GALNTL6: variants seen among roughly 807,000 people sequenced by gnomAD.
The protein encoded by GALNTL6 is polypeptide N-acetylgalactosaminyltransferase like 6, also known as polypeptide N-acetylgalactosaminyltransferase-like 6.
Under a neutral mutation model 73.7 loss-of-function variants are expected in GALNTL6, and 46 were observed. The observed-to-expected ratio is 0.62, with a 90% CI of 0.49 to 0.80. The LOEUF is 0.80. Among genes scored for constraint, GALNTL6 ranks in the 30% least tolerant of loss-of-function variants. The pLI, the probability that GALNTL6 is intolerant of heterozygous loss-of-function variation, is 0.00. For missense variants in GALNTL6, 604 were observed against 755.0 expected, an observed-to-expected ratio of 0.80 and a Z score of 2.34; for synonymous variants, 259 against 263.7, an observed-to-expected ratio of 0.98 and a Z score of 0.17.
chr4:172,621,734 G>T (rs574874284), intron 5 of GALNTL6, among the ~76,000 whole-genome samples: 3 of 152,054 alleles, frequency 2.0e-5, no homozygotes, highest in Non-Finnish European at 4.4e-5. Context: ...GATTAATATA[G>T]GAATCCTAGG....
chr4:172,948,672 G>A (rs1166280913), intron 9 of GALNTL6, among the ~76,000 whole-genome samples: 3 of 141,528 alleles, frequency 2.1e-5, no homozygotes, highest in African/African-American at 7.9e-5. Context: ...GTTTCACCAT[G>A]TTGGCCAGGC....
At chr4:172,799,321 T>C (rs998518041) in intron 5 of GALNTL6, among the ~76,000 whole-genome samples, 1 of 152,210 alleles carries the variant, frequency 6.6e-6, no homozygotes, top group Non-Finnish European at 1.5e-5. Context: ...TAATCTATGC[T>C]GCAGTGGGGG....
At chr4:172,206,812 TTGTTTG>T (rs1207794156) in intron 2 of GALNTL6, among the ~76,000 whole-genome samples, 2,955 of 32,874 alleles carry the variant, frequency 0.09, 719 homozygotes, top group East Asian at 0.36. Flanking sequence ...TCTGTTTTTT[TTGTTTG>T]TTTTTTTTTT....
At chr4:172,221,268 C>A (rs1736666652) in intron 2 of GALNTL6, among the ~76,000 whole-genome samples, 1 of 151,744 alleles carries the variant, frequency 6.6e-6, no homozygotes, top group African/African-American at 2.4e-5. Flanking sequence ...AAGAAAATAG[C>A]ATCACAGTTT....
chr4:172,548,171 A>G (rs977220133), intron 5 of GALNTL6, among the ~76,000 whole-genome samples: 1 of 45,664 alleles, frequency 2.2e-5, no homozygotes, highest in African/African-American at 6.0e-5. Flanking sequence ...GTCGATGTCA[A>G]TGAAGGGTCA....
intron 3 of GALNTL6, among the ~76,000 whole-genome samples, chr4:172,281,807 C>T (rs531712896): frequency 8.5e-5 from 13 of 152,190 alleles, no homozygotes; most frequent in Admixed American, 2.6e-4. Context: ...ATCACATCTG[C>T]GAATTTCTTT....
chr4:172,579,345 A>G (rs1055764753), intron 5 of GALNTL6, among the ~76,000 whole-genome samples: 3 of 152,226 alleles, frequency 2.0e-5, no homozygotes, highest in Admixed American at 2.0e-4. Flanking sequence ...CTGACATTTC[A>G]GAAAAATTTA....
chr4:171,914,520 T>C (rs907498841), intron 2 of GALNTL6, among the ~76,000 whole-genome samples: 20 of 138,996 alleles, frequency 1.4e-4, no homozygotes, highest in African/African-American at 5.4e-4. Flanking sequence ...AACCTCCACC[T>C]CATGGGTTCA....
At chr4:171,991,770 A>G (rs1740345416) in intron 2 of GALNTL6, among the ~76,000 whole-genome samples, 1 of 147,962 alleles carries the variant, frequency 6.8e-6, no homozygotes, top group Non-Finnish European at 1.5e-5. Flanking sequence ...ATATATATAC[A>G]TATATATATG....
chr4:172,739,674 A>G (rs1736689359), intron 5 of GALNTL6, among the ~76,000 whole-genome samples: 2 of 152,166 alleles, frequency 1.3e-5, no homozygotes, highest in Admixed American at 1.3e-4. Flanking sequence ...TGTAAGAACA[A>G]TCCATTTTAG....
chr4:172,618,692 C>T (rs1235994798), intron 5 of GALNTL6, among the ~76,000 whole-genome samples: 1 of 152,062 alleles, frequency 6.6e-6, no homozygotes, highest in Admixed American at 6.5e-5. Context: ...TATTCTCTCT[C>T]ATGATTTATT....
intron 5 of GALNTL6, among the ~76,000 whole-genome samples, chr4:172,461,134 A>G (rs945280806): frequency 2.0e-5 from 3 of 151,902 alleles, no homozygotes; most frequent in Non-Finnish European, 4.4e-5. Flanking sequence ...CCCAAACACC[A>G]CATGTTATCA....
At chr4:172,921,292 T>G (rs190427010) in intron 8 of GALNTL6, among the ~76,000 whole-genome samples, 15 of 152,360 alleles carry the variant, frequency 9.8e-5, no homozygotes, top group African/African-American at 3.4e-4. Context: ...ATCTTATACC[T>G]GATCATAGTG....
At position 172,645,567 on chromosome 4, in the gene GALNTL6, TC is replaced by T. The variant is rs374570889; in HGVS notation, c.554-163791del. On this transcript the variant is annotated intron_variant, in intron 5 of 12. Transcript: ENST00000506823. ...ATCCATTGGAAAGATTTTTCTTTGTTCCCTATAGGAGCAAAGAAACATTTTC... is the reference window on the plus strand; with the variant it reads ...ATCCATTGGAAAGATTTTTCTTTGTTCCTATAGGAGCAAAGAAACATTTTC... 4.6e-3 allele frequency among the ~76,000 whole-genome samples: 698 copies of T among 151,954 alleles called. 3 individuals are homozygous for T. Among genetic ancestry groups the T allele is most frequent in the African/African-American group, 0.016 (657 of 41,472 alleles).
At chr4:172,824,927 T>A (rs1487260206) in intron 7 of GALNTL6, among the ~76,000 whole-genome samples, 3 of 152,162 alleles carry the variant, frequency 2.0e-5, no homozygotes, top group Non-Finnish European at 1.5e-5. Flanking sequence ...TTTATTTGGA[T>A]CTAAGCTCAG....
chr4:172,736,158 C>G (rs935872787), intron 5 of GALNTL6, among the ~76,000 whole-genome samples: 2 of 152,208 alleles, frequency 1.3e-5, no homozygotes, highest in African/African-American at 4.8e-5. Context: ...GACAACTGGT[C>G]TGACTAGAAT....
chr4:172,736,432 T>G (rs934163248), intron 5 of GALNTL6, among the ~76,000 whole-genome samples: 1 of 152,232 alleles, frequency 6.6e-6, no homozygotes, highest in Non-Finnish European at 1.5e-5. Flanking sequence ...GGCCTTATGG[T>G]TATCTCCCTT....
At chr4:172,258,271 G>A (rs533770390) in intron 3 of GALNTL6, among the ~76,000 whole-genome samples, 2 of 151,146 alleles carry the variant, frequency 1.3e-5, no homozygotes, top group African/African-American at 2.4e-5. Context: ...TTGCTTTGGG[G>A]AGTACTGCCT....
At chr4:172,443,158 A>T (rs1579075820) in intron 5 of GALNTL6, among the ~76,000 whole-genome samples, 2 of 108,010 alleles carry the variant, frequency 1.9e-5, no homozygotes, top group African/African-American at 4.8e-5. Context: ...ATATATATAT[A>T]TATATTTCTT....
Sources: allele counts gnomAD v4.1 joint callset (sites outside exome capture counted in the v4.1 genomes callset), GRCh38; gene constraint gnomAD v4.1.1; transcripts MANE v1.5; gene names NCBI Gene and HGNC (gene_info 2026-07-23, HGNC 2026-07-21).